The following IFT52 variants were observed in gnomAD, a reference collection of about 807,000 sequenced individuals.
IFT52 encodes intraflagellar transport 52, also known as intraflagellar transport protein 52 homolog.
Under a neutral mutation model 54.4 loss-of-function variants are expected in IFT52, and 44 were observed. The ratio of observed to expected loss-of-function variants is 0.81; its 90% CI spans 0.63 to 1.04. IFT52 has a LOEUF of 1.04. Among genes scored for constraint, IFT52 ranks in the 50% least tolerant of loss-of-function variants. IFT52 has a pLI of 0.00. For synonymous variants in IFT52, 181 were observed against 185.3 expected (o/e 0.98, Z 0.19); for missense variants, 452 against 523.6 (o/e 0.86, Z 1.33).
chr20:43,600,830 G>A (rs2013007), intron 3 of IFT52, among the ~76,000 whole-genome samples: 116,432 of 151,656 alleles, frequency 0.77, 44,999 homozygotes, highest in Non-Finnish European at 0.8. Flanking sequence ...AATTAGCCAG[G>A]TGTGGTGGCA....
chr20:43,637,707 A>G (rs1008174562), intron 12 of IFT52, among the ~76,000 whole-genome samples: 2 of 152,312 alleles, frequency 1.3e-5, no homozygotes, highest in East Asian at 3.9e-4. Flanking sequence ...ATTCTTATTT[A>G]TGTCATGTAA....
In IFT52 at chr20:43,634,997, A is replaced by G. The variant is rs545300048; in HGVS notation, c.924-929A>G. Among the ~76,000 whole-genome samples, 104 of 152,060 alleles carry G rather than the reference A, an allele frequency of 6.8e-4. 2 individuals are homozygous for G. In the East Asian group the frequency reaches 0.017, roughly 25 times the overall value. On this transcript the variant is annotated intron_variant, in intron 10 of 13. Transcript: ENST00000373030. ...CAGCCTGACCAACATGGTGAAACCC[A>G]TCTCTACTAAAAATACAAAAATTAG...
intron 7 of IFT52, chr20:43,618,167 C>T (rs559870951): frequency 5.4e-4 from 81 of 150,670 alleles, no homozygotes; most frequent in African/African-American, 1.9e-3. Flanking sequence ...TTATGATCTT[C>T]GTTTATAAGA....
At chr20:43,624,198 TGG>T in intron 10 of IFT52, 153 bp downstream of exon 10, 1 of 836,490 alleles carries the variant, frequency 1.2e-6, no homozygotes, top group Non-Finnish European at 1.9e-6. Flanking sequence ...GAAACTGGGC[TGG>T]GCATGAGGGG....
chr20:43,611,036 G>T (rs188145525), intron 6 of IFT52, among the ~76,000 whole-genome samples: 1 of 152,070 alleles, frequency 6.6e-6, no homozygotes, highest in Non-Finnish European at 1.5e-5. Flanking sequence ...TTGTTGTTGC[G>T]TTATGACTTT....
chr20:43,599,410 GAC>G (rs1982251253), intron 3 of IFT52, among the ~76,000 whole-genome samples: 1 of 152,160 alleles, frequency 6.6e-6, no homozygotes. Flanking sequence ...GCATCCAAGA[GAC>G]ACAAGTCCTT....
intron 7 of IFT52, among the ~76,000 whole-genome samples, chr20:43,616,788 A>C (rs888622051): frequency 2.6e-5 from 4 of 152,282 alleles, no homozygotes; most frequent in Admixed American, 2.0e-4. Flanking sequence ...TGGGAGGTTA[A>C]GGAGGTAGGA....
chr20:43,622,623 C>T (rs1033581988), intron 9 of IFT52, among the ~76,000 whole-genome samples: 6 of 146,858 alleles, frequency 4.1e-5, no homozygotes, highest in Admixed American at 2.1e-4. Context: ...ATTTTTTATA[C>T]ATATATATAT....
At chr20:43,596,575 C>CT (rs1209497963) in intron 3 of IFT52, 53 bp downstream of exon 3, 1 of 1,190,794 alleles carries the variant, frequency 8.4e-7, no homozygotes, top group Non-Finnish European at 1.2e-6. Context: ...GGAGTCTGAG[C>CT]TTTGAAATAC....
chr20:43,646,133 C>A (rs985374246), intron 13 of IFT52, among the ~76,000 whole-genome samples: 2 of 151,026 alleles, frequency 1.3e-5, no homozygotes, highest in African/African-American at 4.9e-5. Flanking sequence ...ATGGCATGAA[C>A]CTGGGAGGCA....
intron 10 of IFT52, among the ~76,000 whole-genome samples, chr20:43,632,495 A>G (rs1600507346): frequency 3.3e-5 from 5 of 152,184 alleles, no homozygotes; most frequent in Admixed American, 3.3e-4. Flanking sequence ...TCCTGACCTC[A>G]GGTGATCCAC....
intron 6 of IFT52, among the ~76,000 whole-genome samples, chr20:43,612,634 G>A (rs1350835350): frequency 6.6e-6 from 1 of 152,102 alleles, no homozygotes; most frequent in Non-Finnish European, 1.5e-5. Flanking sequence ...TGAGGCTGCA[G>A]TGAGCCATGT....
At chr20:43,639,518 A>C (rs1985769635) in intron 12 of IFT52, among the ~76,000 whole-genome samples, 1 of 152,214 alleles carries the variant, frequency 6.6e-6, no homozygotes, top group African/African-American at 2.4e-5. Flanking sequence ...TAAAAATACA[A>C]AATTAGCTGG....
intron 7 of IFT52, among the ~76,000 whole-genome samples, chr20:43,617,819 T>C (rs1279362952): frequency 6.6e-6 from 1 of 152,052 alleles, no homozygotes; most frequent in Non-Finnish European, 1.5e-5. Context: ...CTCAGCTCGC[T>C]GCAACCTCGC....
chr20:43,616,631 C>T lies in IFT52; in HGVS notation c.613-2309C>T, dbSNP rs527744904. On this transcript the variant is annotated intron_variant, in intron 7 of 13. Transcript: ENST00000373030. ...ATCGCACTACTCCAAGACTCTAAGA[C>T]AGCCCAGGTTGACATATTATTCACT... Among the ~76,000 whole-genome samples the T allele has an allele frequency of 7.9e-5, 12 of 151,978 alleles. No individual in the cohort carries two copies. The South Asian group carries it at 1.7e-3, about 21-fold the overall frequency.
At chr20:43,634,899 G>A (rs958874903) in intron 10 of IFT52, among the ~76,000 whole-genome samples, 18 of 152,010 alleles carry the variant, frequency 1.2e-4, no homozygotes, top group South Asian at 4.1e-4. Flanking sequence ...GGCTGGGTGC[G>A]GTGGCTCATG....
intron 9 of IFT52, among the ~76,000 whole-genome samples, chr20:43,621,909 A>G (rs561206794): frequency 9.8e-5 from 15 of 152,332 alleles, no homozygotes; most frequent in Non-Finnish European, 1.9e-4. Flanking sequence ...TTTAATCCTC[A>G]TAACTGCCCT....
intron 6 of IFT52, among the ~76,000 whole-genome samples, chr20:43,609,111 A>G (rs1983212981): frequency 6.6e-6 from 1 of 151,088 alleles, no homozygotes; most frequent in African/African-American, 2.4e-5. Flanking sequence ...ATGTGGTGGC[A>G]CACACCCATA....
intron 4 of IFT52, 68 bp from the exon 5 acceptor site, chr20:43,604,115 G>T: frequency 1.5e-6 from 2 of 1,307,014 alleles, no homozygotes; most frequent in Non-Finnish European, 2.2e-6. Context: ...GGTCAAAATT[G>T]GTATGAGTCT....
Sources: allele counts gnomAD v4.1 joint callset (sites outside exome capture counted in the v4.1 genomes callset), GRCh38; gene constraint gnomAD v4.1.1; transcripts MANE v1.5; gene names NCBI Gene and HGNC (gene_info 2026-07-23, HGNC 2026-07-21).